Variants in BMP5 observed in about 807,000 individuals in gnomAD.
BMP5 encodes bone morphogenetic protein 5.
Under a neutral mutation model 46.6 loss-of-function variants are expected in BMP5, and 23 were observed. That is an observed-to-expected ratio of 0.49 (90% CI 0.35 to 0.70). The LOEUF is 0.70. Ranked by LOEUF, BMP5 falls within the 30% of genes least tolerant of loss-of-function variation. BMP5 has a pLI of 0.00. For missense variants in BMP5, 545 were observed against 565.6 expected (o/e 0.96, Z 0.37); for synonymous variants, 204 against 191.9 (o/e 1.06, Z -0.52).
Position 55,874,912 on chromosome 6 carries a change from T to C in BMP5, c.-47A>G. The C allele has an allele frequency of 1.9e-6, 3 of 1,566,930 alleles. No individual in the cohort carries two copies. The highest frequency in any genetic ancestry group is 1.4e-5 in the African/African-American group (1 of 70,594). On this transcript the variant is annotated 5_prime_UTR_variant, in exon 1 of 7. Coordinates refer to ENST00000370830, the MANE Select transcript of BMP5 (RefSeq NM_021073.4). ...GATATTTTTAGTCCTTCTTGTCCTCTTAAAAAAAAAAAAAACCTAAGGTTC... is the reference window on the plus strand; with the variant it reads ...GATATTTTTAGTCCTTCTTGTCCTCCTAAAAAAAAAAAAAACCTAAGGTTC...
At chr6:55,756,139 T>C (rs746079077) in intron 6 of BMP5, among the ~76,000 whole-genome samples, 3 of 151,948 alleles carry the variant, frequency 2.0e-5, no homozygotes, top group South Asian at 2.1e-4. Flanking sequence ...AAATCATACA[T>C]TTTAAGCCAA....
intron 2 of BMP5, among the ~76,000 whole-genome samples, chr6:55,798,671 T>C (rs1454987615): frequency 6.6e-6 from 1 of 152,144 alleles, no homozygotes; most frequent in Non-Finnish European, 1.5e-5. Context: ...TTTGGAATAT[T>C]AAGTTTAGCT....
At chr6:55,796,076 A>C (rs1488444251) in intron 2 of BMP5, among the ~76,000 whole-genome samples, 1 of 152,172 alleles carries the variant, frequency 6.6e-6, no homozygotes, top group East Asian at 1.9e-4. Flanking sequence ...CTGAGACCTT[A>C]ATCTTGGAAT....
At chr6:55,767,523 T>C (rs1320577967) in intron 4 of BMP5, among the ~76,000 whole-genome samples, 1 of 151,956 alleles carries the variant, frequency 6.6e-6, no homozygotes, top group Non-Finnish European at 1.5e-5. Flanking sequence ...ATTATACAAC[T>C]AGTAAGTAGT....
chr6:55,790,673 T>C (rs775186705), intron 3 of BMP5, among the ~76,000 whole-genome samples: 3 of 152,194 alleles, frequency 2.0e-5, no homozygotes, highest in Admixed American at 1.3e-4. Flanking sequence ...ATTTACTTAC[T>C]GTTTCTTCAT....
At chr6:55,832,708 A>G (rs2127542667) in intron 1 of BMP5, among the ~76,000 whole-genome samples, 1 of 152,298 alleles carries the variant, frequency 6.6e-6, no homozygotes, top group Admixed American at 6.5e-5. Context: ...TAAACGTGCC[A>G]GGAGGTTACT....
intron 1 of BMP5, among the ~76,000 whole-genome samples, chr6:55,870,378 A>G (rs1777755596): frequency 6.6e-6 from 1 of 152,124 alleles, no homozygotes; most frequent in African/African-American, 2.4e-5. Flanking sequence ...AGGTCTCCTC[A>G]CTCAGCAATA....
chr6:55,837,815 C>T (rs886529968), intron 1 of BMP5, among the ~76,000 whole-genome samples: 1 of 152,194 alleles, frequency 6.6e-6, no homozygotes, highest in Non-Finnish European at 1.5e-5. Context: ...CCTCCCACTA[C>T]CCTTCCCAGC....
chr6:55,858,577 T>C (rs1464102698), intron 1 of BMP5, among the ~76,000 whole-genome samples: 3 of 152,216 alleles, frequency 2.0e-5, no homozygotes, highest in Admixed American at 1.3e-4. Flanking sequence ...ATAATATTAA[T>C]TCAGGTTTCA....
In BMP5 at chr6:55,819,645, A is replaced by T; in HGVS notation, c.683+10T>A. The T allele has an allele frequency of 6.3e-7, 1 of 1,590,834 alleles. No homozygotes were observed. The highest frequency in any genetic ancestry group is 8.6e-7 in the Non-Finnish European group (1 of 1,159,824). On this transcript the variant is annotated intron_variant, in intron 2 of 6. Coordinates refer to ENST00000370830, the MANE Select transcript of BMP5 (RefSeq NM_021073.4). Reference sequence around the variant, plus strand: ...TTGCCAGGATAATAAGTTAAATAAAAAGATTATACCTATTTGTGTATTCCT... The same window carrying T: ...TTGCCAGGATAATAAGTTAAATAAATAGATTATACCTATTTGTGTATTCCT...
chr6:55,794,496 T>C, intron 2 of BMP5, 69 bp from the exon 3 acceptor site: 3 of 1,493,826 alleles, frequency 2.0e-6, no homozygotes, highest in East Asian at 2.3e-5. Context: ...TAGACTTAAG[T>C]GAAAACATTA....
chr6:55,791,622 CAGAG>C (rs929709160), intron 3 of BMP5, among the ~76,000 whole-genome samples: 2 of 151,802 alleles, frequency 1.3e-5, no homozygotes, highest in African/African-American at 4.8e-5. Context: ...GACTAGTTCT[CAGAG>C]AGAAAAAGAT....
chr6:55,759,187 CAAG>C, intron 5 of BMP5, 72 bp from the exon 6 acceptor site: 1 of 437,464 alleles, frequency 2.3e-6, no homozygotes, highest in Non-Finnish European at 3.3e-6. Context: ...AAAAAAACAA[CAAG>C]AAAAAATATC....
intron 1 of BMP5, among the ~76,000 whole-genome samples, chr6:55,849,660 A>C (rs1465144216): frequency 6.6e-6 from 1 of 152,110 alleles, no homozygotes; most frequent in Admixed American, 6.6e-5. Flanking sequence ...TATGTAGAAC[A>C]GAGTGAGGAG....
At chr6:55,801,237 A>C (rs957355888) in intron 2 of BMP5, among the ~76,000 whole-genome samples, 1 of 152,240 alleles carries the variant, frequency 6.6e-6, no homozygotes, top group Admixed American at 6.5e-5. Flanking sequence ...TATGCTTAGA[A>C]GACTACCTTG....
intron 3 of BMP5, among the ~76,000 whole-genome samples, chr6:55,785,946 T>A (rs560637887): frequency 6.6e-6 from 1 of 151,872 alleles, no homozygotes; most frequent in Non-Finnish European, 1.5e-5. Context: ...ACAATCCTGC[T>A]AAATGCTGTA....
intron 1 of BMP5, among the ~76,000 whole-genome samples, chr6:55,842,481 AG>A (rs1776986011): frequency 6.6e-6 from 1 of 152,162 alleles, no homozygotes; most frequent in African/African-American, 2.4e-5. Context: ...CAGGTTTACA[AG>A]GAAAGCTCAG....
At chr6:55,764,571 CAAAAAA>C (rs57293392) in intron 4 of BMP5, among the ~76,000 whole-genome samples, 3 of 110,154 alleles carry the variant, frequency 2.7e-5, no homozygotes, top group Non-Finnish European at 6.0e-5. Flanking sequence ...GACTCTGTCT[CAAAAAA>C]AAAAAAAAAA....
At chr6:55,848,414 A>T (rs1415836618) in intron 1 of BMP5, among the ~76,000 whole-genome samples, 9 of 152,022 alleles carry the variant, frequency 5.9e-5, no homozygotes, top group Non-Finnish European at 4.4e-5. Context: ...TATACTACTT[A>T]TAATTCAATA....
Sources: gnomAD v4.1 joint callset for allele counts (sites outside exome capture counted in the v4.1 genomes callset) on GRCh38, gnomAD v4.1.1 for gene constraint, MANE v1.5 for transcripts, NCBI Gene and HGNC (gene_info 2026-07-23, HGNC 2026-07-21) for gene names.